ATRNL1: variants seen among roughly 807,000 people sequenced by gnomAD.
The protein encoded by ATRNL1 is attractin-like protein 1.
In ATRNL1, 95 loss-of-function variants were observed where a neutral mutation model predicts 182.7. That is an observed-to-expected ratio of 0.52 (90% CI 0.44 to 0.62). The LOEUF (loss-of-function observed/expected upper bound fraction) is 0.62, where lower values mean the gene tolerates loss of function less well. Among genes scored for constraint, ATRNL1 ranks in the 20% least tolerant of loss-of-function variants. The pLI is 0.00. For synonymous variants in ATRNL1, 576 were observed against 568.3 expected, an observed-to-expected ratio of 1.01 and a Z score of -0.19; for missense variants, 1,471 against 1,679.5, an observed-to-expected ratio of 0.88 and a Z score of 2.17.
intron 9 of ATRNL1, among the ~76,000 whole-genome samples, chr10:115,217,038 T>C (rs1276501540): frequency 1.3e-5 from 2 of 152,198 alleles, no homozygotes; most frequent in Admixed American, 1.3e-4. Flanking sequence ...TGTGGTATAG[T>C]GATGAAGGTA....
chr10:115,802,051 A>ACACACACACACACACACAAC (rs1412039169), intron 27 of ATRNL1, among the ~76,000 whole-genome samples: 13 of 11,218 alleles, frequency 1.2e-3, no homozygotes, highest in Non-Finnish European at 2.3e-3. Context: ...CACACAAAAC[A>ACACACACACACACACACAAC]AAAAAAAACA....
At chr10:115,391,358 GC>G (rs1844009380) in intron 19 of ATRNL1, among the ~76,000 whole-genome samples, 1 of 152,176 alleles carries the variant, frequency 6.6e-6, no homozygotes, top group African/African-American at 2.4e-5. Context: ...GAGGCCTGGA[GC>G]CTGACAATGC....
At chr10:115,498,917 G>A (rs1037383272) in intron 24 of ATRNL1, among the ~76,000 whole-genome samples, 39 of 151,942 alleles carry the variant, frequency 2.6e-4, no homozygotes, top group Admixed American at 3.3e-4. Flanking sequence ...AAGACTGAAT[G>A]ATAAAGTCAA....
intron 27 of ATRNL1, among the ~76,000 whole-genome samples, chr10:115,790,861 TG>T (rs1444071191): frequency 6.6e-6 from 1 of 152,214 alleles, no homozygotes; most frequent in Admixed American, 6.5e-5. Context: ...TTCACATAGA[TG>T]TTCGTTAGCA....
chr10:115,519,287 A>G lies in ATRNL1; in HGVS notation c.3679A>G (p.Ile1227Val), dbSNP rs781837584. ...GATTGCATTCTCACAACACAATACA[A>G]TCATGGACCTTGTGCAGTTTTTTGT... ...IQIAFSQHNTIMDLVQFFVTF... is the reference protein window; with the variant it reads ...IQIAFSQHNTVMDLVQFFVTF... Residue 1227 changes from isoleucine to valine, a missense_variant, in exon 25 of 29, where the codon ATC (isoleucine) becomes GTC (valine). By Grantham distance (29) the Ile-to-Val change is conservative (BLOSUM62 3). Coordinates refer to ENST00000355044, the MANE Select transcript of ATRNL1 (RefSeq NM_207303.4). 1.2e-6 allele frequency: 2 copies of G among 1,610,492 alleles called. No individual in the cohort carries two copies. The highest frequency in any genetic ancestry group is 2.2e-5 in the East Asian group (1 of 44,708).
chr10:115,391,829 A>G (rs1264389361), intron 19 of ATRNL1, among the ~76,000 whole-genome samples: 1 of 151,784 alleles, frequency 6.6e-6, no homozygotes, highest in African/African-American at 2.4e-5. Context: ...GTTTTAGTAG[A>G]GTTTTATTTG....
intron 26 of ATRNL1, among the ~76,000 whole-genome samples, chr10:115,594,076 C>G (rs1301735571): frequency 6.6e-6 from 1 of 151,872 alleles, no homozygotes; most frequent in African/African-American, 2.4e-5. Context: ...ATTCATATTT[C>G]TTTTATTGAT....
chr10:115,807,911 A>T (rs1949958940), intron 27 of ATRNL1, among the ~76,000 whole-genome samples: 2 of 152,188 alleles, frequency 1.3e-5, no homozygotes, highest in African/African-American at 4.8e-5. Flanking sequence ...GCCTTATAAA[A>T]GTCGGTTTTA....
intron 13 of ATRNL1, among the ~76,000 whole-genome samples, chr10:115,277,754 A>G (rs1323575517): frequency 6.6e-6 from 1 of 152,136 alleles, no homozygotes; most frequent in African/African-American, 2.4e-5. Context: ...GAACCTGGGT[A>G]TATGTAAGGA....
At chr10:115,581,582 T>C (rs1185828649) in intron 26 of ATRNL1, among the ~76,000 whole-genome samples, 1 of 152,100 alleles carries the variant, frequency 6.6e-6, no homozygotes, top group Non-Finnish European at 1.5e-5. Flanking sequence ...TAAATTAAAA[T>C]ATATATGTGC....
chr10:115,119,665 G>T (rs1157237650), intron 1 of ATRNL1, among the ~76,000 whole-genome samples: 1 of 151,838 alleles, frequency 6.6e-6, no homozygotes, highest in East Asian at 1.9e-4. Flanking sequence ...ATGTAAAGTA[G>T]ACAGGAGAAA....
chr10:115,816,908 G>A (rs1042519181), intron 27 of ATRNL1, among the ~76,000 whole-genome samples: 1 of 152,054 alleles, frequency 6.6e-6, no homozygotes, highest in Non-Finnish European at 1.5e-5. Flanking sequence ...GTTAGAATAG[G>A]TATTTACCAA....
intron 5 of ATRNL1, among the ~76,000 whole-genome samples, chr10:115,138,988 A>C (rs1440473788): frequency 1.3e-5 from 2 of 152,078 alleles, no homozygotes; most frequent in African/African-American, 2.4e-5. Context: ...AGATACCCTA[A>C]ATCATCTTTC....
chr10:115,552,503 A>T (rs1554995788), intron 26 of ATRNL1, among the ~76,000 whole-genome samples: 1 of 151,392 alleles, frequency 6.6e-6, no homozygotes, highest in Admixed American at 6.6e-5. Context: ...CAGCAGTTAT[A>T]CTAGTTGCTT....
intron 26 of ATRNL1, among the ~76,000 whole-genome samples, chr10:115,639,641 T>C (rs550044630): frequency 6.6e-6 from 1 of 152,288 alleles, no homozygotes; most frequent in South Asian, 2.1e-4. Context: ...TTAATTCATA[T>C]ATGTATGTAG....
Position 115,519,332 on chromosome 10 carries a change from T to A in ATRNL1, c.3716+8T>A, listed in dbSNP as rs782456245. 1 of 1,610,502 alleles carries A rather than the reference T, an allele frequency of 6.2e-7. No individual in the cohort carries two copies. The highest frequency in any genetic ancestry group is 1.1e-5 in the South Asian group (1 of 90,692). On this transcript the variant is annotated splice_region_variant and intron_variant, in intron 25 of 28. Coordinates refer to ENST00000355044, the MANE Select transcript of ATRNL1 (RefSeq NM_207303.4). The stretch of plus-strand genomic sequence containing the variant: ...TTTTGTCACCTTCTTCAGGTAAAAG[T>A]TTGCTTTGACTGACTTTGAACTTTT...
intron 8 of ATRNL1, among the ~76,000 whole-genome samples, chr10:115,177,284 G>T (rs1317115090): frequency 6.6e-6 from 1 of 152,078 alleles, no homozygotes; most frequent in African/African-American, 2.4e-5. Context: ...CACAATATTG[G>T]ATTTAATAGG....
intron 27 of ATRNL1, among the ~76,000 whole-genome samples, chr10:115,766,669 C>T (rs1457462155): frequency 1.3e-5 from 2 of 152,096 alleles, no homozygotes; most frequent in East Asian, 1.9e-4. Flanking sequence ...AGAGGGAAGG[C>T]GGGGGATAGA....
chr10:115,575,836 A>G (rs1555004989), intron 26 of ATRNL1, among the ~76,000 whole-genome samples: 1 of 151,916 alleles, frequency 6.6e-6, no homozygotes, highest in African/African-American at 2.4e-5. Context: ...TATACATCAG[A>G]TCTCTATAAT....
Sources: allele counts gnomAD v4.1 joint callset (sites outside exome capture counted in the v4.1 genomes callset), GRCh38; gene constraint gnomAD v4.1.1; transcripts MANE v1.5; gene names NCBI Gene and HGNC (gene_info 2026-07-23, HGNC 2026-07-21).